The following PAPSS1 variants were observed in gnomAD, a reference collection of about 807,000 sequenced individuals.
PAPSS1 encodes the protein bifunctional 3'-phosphoadenosine 5'-phosphosulfate synthase 1.
Under a neutral mutation model 72.0 loss-of-function variants are expected in PAPSS1, and 50 were observed. The observed-to-expected ratio is 0.69, with a 90% CI of 0.55 to 0.88. PAPSS1 has a LOEUF of 0.88. PAPSS1 is among the 40% of genes least tolerant of loss of function. The probability of loss-of-function intolerance (pLI) is 0.00; values close to 1 mark genes in which losing one functional copy is unlikely to be tolerated. For missense variants in PAPSS1, 657 were observed against 782.2 expected, an observed-to-expected ratio of 0.84 and a Z score of 1.91; for synonymous variants, 261 against 263.6, an observed-to-expected ratio of 0.99 and a Z score of 0.09.
intron 1 of PAPSS1, among the ~76,000 whole-genome samples, chr4:107,707,686 T>C (rs75178515): frequency 0.016 from 2,382 of 152,316 alleles, 70 homozygotes; most frequent in African/African-American, 0.054. Flanking sequence ...CTCTTCAATG[T>C]GTTTTTTCTG....
intron 3 of PAPSS1, among the ~76,000 whole-genome samples, chr4:107,693,312 A>G (rs950611714): frequency 2.0e-5 from 3 of 152,198 alleles, no homozygotes; most frequent in African/African-American, 4.8e-5. Context: ...TCAGAGAAAT[A>G]CACAAACATG....
At chr4:107,654,944 C>T in intron 7 of PAPSS1, 44 bp from the exon 8 acceptor site, 2 of 1,451,216 alleles carry the variant, frequency 1.4e-6, no homozygotes, top group Non-Finnish European at 1.9e-6. Flanking sequence ...TTGAATTACT[C>T]AACACGCTTT....
At chr4:107,696,277 T>A (rs1269965186) in intron 2 of PAPSS1, among the ~76,000 whole-genome samples, 9 of 152,200 alleles carry the variant, frequency 5.9e-5, no homozygotes, top group African/African-American at 2.2e-4. Flanking sequence ...CGCACATGTA[T>A]GTTTATTGCA....
intron 5 of PAPSS1, among the ~76,000 whole-genome samples, chr4:107,665,362 T>C (rs551103694): frequency 2.3e-3 from 344 of 152,350 alleles, no homozygotes; most frequent in Non-Finnish European, 2.9e-3. Context: ...CAACAGAAAG[T>C]TGGTCCCTGC....
At chr4:107,676,300 A>C (rs1296357617) in intron 5 of PAPSS1, among the ~76,000 whole-genome samples, 3 of 152,226 alleles carry the variant, frequency 2.0e-5, no homozygotes, top group Non-Finnish European at 4.4e-5. Flanking sequence ...GTCTCAGCCC[A>C]AAATCTCCTT....
chr4:107,707,809 C>T (rs1007126695), intron 1 of PAPSS1, among the ~76,000 whole-genome samples: 12 of 152,192 alleles, frequency 7.9e-5, no homozygotes, highest in Non-Finnish European at 1.5e-4. Context: ...TGAAGACAAG[C>T]ACTGGGAAGT....
chr4:107,658,976 C>T (rs138077404), intron 6 of PAPSS1, among the ~76,000 whole-genome samples: 15 of 152,344 alleles, frequency 9.8e-5, no homozygotes, highest in African/African-American at 3.6e-4. Flanking sequence ...AAGCTACTGT[C>T]TTTCTGGATT....
chr4:107,641,128 A>C (rs1295934942), intron 10 of PAPSS1, among the ~76,000 whole-genome samples: 1 of 152,226 alleles, frequency 6.6e-6, no homozygotes, highest in Non-Finnish European at 1.5e-5. Context: ...TTCAGTGTCC[A>C]TCCTTACCAG....
intron 11 of PAPSS1, among the ~76,000 whole-genome samples, chr4:107,626,975 T>C (rs1173517012): frequency 6.6e-6 from 1 of 152,204 alleles, no homozygotes; most frequent in East Asian, 1.9e-4. Context: ...TAATATAGAA[T>C]TCATCTTTGG....
chr4:107,646,470 C>T (rs1726699684), intron 9 of PAPSS1, among the ~76,000 whole-genome samples: 1 of 151,912 alleles, frequency 6.6e-6, no homozygotes, highest in Non-Finnish European at 1.5e-5. Context: ...TTCTAAATAC[C>T]ATTCCCCAGT....
chr4:107,627,542 G>T (rs1726130369), intron 11 of PAPSS1, among the ~76,000 whole-genome samples: 1 of 152,066 alleles, frequency 6.6e-6, no homozygotes, highest in Non-Finnish European at 1.5e-5. Flanking sequence ...GCTTTTAAAA[G>T]AACTACAAAT....
chr4:107,699,413 T>C (rs1723153395), intron 2 of PAPSS1, among the ~76,000 whole-genome samples: 1 of 152,110 alleles, frequency 6.6e-6, no homozygotes, highest in Non-Finnish European at 1.5e-5. Flanking sequence ...CAGACAAATA[T>C]ATCAGTGGGA....
At chr4:107,627,840 G>A (rs1578383339) in intron 11 of PAPSS1, among the ~76,000 whole-genome samples, 1 of 152,026 alleles carries the variant, frequency 6.6e-6, no homozygotes, top group Admixed American at 6.6e-5. Context: ...TTTTTAGACA[G>A]TGAAATCGTA....
At chr4:107,695,519 A>T (rs565817020) in intron 2 of PAPSS1, among the ~76,000 whole-genome samples, 1 of 152,044 alleles carries the variant, frequency 6.6e-6, no homozygotes, top group Non-Finnish European at 1.5e-5. Flanking sequence ...CAGAACTTCC[A>T]ATATTATGTT....
At chr4:107,697,829 T>C (rs758490987) in intron 2 of PAPSS1, among the ~76,000 whole-genome samples, 3 of 152,030 alleles carry the variant, frequency 2.0e-5, no homozygotes, top group Non-Finnish European at 2.9e-5. Context: ...ATAGAGTCTT[T>C]ACAAACACAA....
chr4:107,702,955 C>G (rs1410869549), intron 1 of PAPSS1, among the ~76,000 whole-genome samples: 1 of 152,148 alleles, frequency 6.6e-6, no homozygotes, highest in Admixed American at 6.5e-5. Flanking sequence ...AATGGCTATA[C>G]TAATATTCCC....
At chr4:107,622,072 G>T (rs1725979763) in intron 11 of PAPSS1, among the ~76,000 whole-genome samples, 1 of 152,094 alleles carries the variant, frequency 6.6e-6, no homozygotes, top group African/African-American at 2.4e-5. Flanking sequence ...TGTCTCATTT[G>T]CTCTTTTTAC....
intron 3 of PAPSS1, among the ~76,000 whole-genome samples, chr4:107,688,318 C>T (rs1241575146): frequency 6.6e-6 from 1 of 152,140 alleles, no homozygotes; most frequent in African/African-American, 2.4e-5. Flanking sequence ...GTGTAGCACG[C>T]TTATAGTCCC....
rs1726648722 is a variant in PAPSS1 at position 107,644,820 on chromosome 4, C to T, written c.1488G>A (p.Met496Ile). 1 of 1,612,566 alleles carries T rather than the reference C, an allele frequency of 6.2e-7. No homozygotes were observed. The highest frequency in any genetic ancestry group is 1.1e-5 in the South Asian group (1 of 90,948). The change falls in exon 10 of 12, where the codon ATG becomes ATA. Residue 496 changes from methionine to isoleucine, a missense_variant. Transcript: ENST00000265174. The stretch of plus-strand genomic sequence containing the variant: ...AGTCTACCTCAGTTGGTCCAGCATA[C>T]ATCATGGGAGATGGGAAGATGGCCA... The part of the protein sequence containing the change: ...TVVAIFPSPM[M>I]YAGPTEVQWH...
Sources: allele counts gnomAD v4.1 joint callset (sites outside exome capture counted in the v4.1 genomes callset), GRCh38; gene constraint gnomAD v4.1.1; transcripts MANE v1.5; gene names NCBI Gene and HGNC (gene_info 2026-07-23, HGNC 2026-07-21).